Variants in GABRB2 observed in about 807,000 individuals in gnomAD.
The protein encoded by GABRB2 is gamma-aminobutyric acid receptor subunit beta-2.
GABRB2 carries 16 observed loss-of-function variants against 54.7 expected under a neutral mutation model. That is an observed-to-expected ratio of 0.29 (90% confidence interval 0.20 to 0.44). The LOEUF is 0.44. GABRB2 is among the 20% of genes least tolerant of loss of function. The pLI is 1.00. For synonymous variants in GABRB2, 244 were observed against 233.8 expected (o/e 1.04, Z -0.40); for missense variants, 355 against 644.0 (o/e 0.55, Z 4.86).
intron 5 of GABRB2, among the ~76,000 whole-genome samples, chr5:161,388,253 C>T (rs1755707737): frequency 6.6e-6 from 1 of 152,078 alleles, no homozygotes; most frequent in African/African-American, 2.4e-5. Flanking sequence ...CTTGTAAAAA[C>T]ATTTCTGAAA....
chr5:161,513,266 A>T (rs1759835387), intron 3 of GABRB2, among the ~76,000 whole-genome samples: 1 of 152,070 alleles, frequency 6.6e-6, no homozygotes, highest in South Asian at 2.1e-4. Flanking sequence ...CGACCCAGCA[A>T]TCCCATTACT....
intron 4 of GABRB2, among the ~76,000 whole-genome samples, chr5:161,434,207 T>A (rs1385906546): frequency 6.6e-6 from 1 of 152,196 alleles, no homozygotes; most frequent in East Asian, 1.9e-4. Context: ...ATGGCTTACA[T>A]TTATTATTCT....
At chr5:161,438,167 A>T (rs1292868463) in intron 4 of GABRB2, among the ~76,000 whole-genome samples, 1 of 151,860 alleles carries the variant, frequency 6.6e-6, no homozygotes, top group Non-Finnish European at 1.5e-5. Context: ...TGCTTGTATC[A>T]CTCCACCCCC....
At chr5:161,349,253 A>G (rs886848333) in intron 5 of GABRB2, among the ~76,000 whole-genome samples, 1 of 151,036 alleles carries the variant, frequency 6.6e-6, no homozygotes, top group Non-Finnish European at 1.5e-5. Context: ...AAATAAACTT[A>G]AAAAAAAACC....
At chr5:161,413,835 C>A (rs757840953) in intron 4 of GABRB2, among the ~76,000 whole-genome samples, 10 of 152,006 alleles carry the variant, frequency 6.6e-5, no homozygotes, top group Non-Finnish European at 1.0e-4. Flanking sequence ...AGTATAGAAG[C>A]CTTGATTGTG....
rs551494067 is a variant in GABRB2, at chr5:161,408,060, C to A, written c.541+2915G>T. On this transcript the variant is annotated intron_variant, in intron 5 of 9. Coordinates refer to ENST00000393959, the MANE Select transcript of GABRB2 (RefSeq NM_001371727.1). Reference sequence around the variant, plus strand: ...TATAGAACTAAGTACTTCATCTTGGCAGCAATTTTAGCAATGCAATTTTAT... The same window carrying A: ...TATAGAACTAAGTACTTCATCTTGGAAGCAATTTTAGCAATGCAATTTTAT... Among the ~76,000 whole-genome samples the A allele has an allele frequency of 3.9e-5, 6 of 152,102 alleles. No individual in the cohort carries two copies. In the South Asian group the frequency reaches 1.0e-3, roughly 26 times the overall value.
chr5:161,313,196 T>A (rs1369838885), intron 9 of GABRB2, among the ~76,000 whole-genome samples: 10 of 152,086 alleles, frequency 6.6e-5, no homozygotes, highest in Non-Finnish European at 1.5e-4. Flanking sequence ...GAGTCTCGTG[T>A]TTGTTATATA....
chr5:161,430,971 C>A (rs1757157019), intron 4 of GABRB2, among the ~76,000 whole-genome samples: 1 of 152,078 alleles, frequency 6.6e-6, no homozygotes, highest in Non-Finnish European at 1.5e-5. Context: ...GTTCAGGAAA[C>A]AAAGCAAGAT....
At chr5:161,365,898 G>A (rs532289412) in intron 5 of GABRB2, among the ~76,000 whole-genome samples, 3 of 151,930 alleles carry the variant, frequency 2.0e-5, no homozygotes, top group African/African-American at 7.2e-5. Flanking sequence ...CTACGATTTG[G>A]GAATAGCTAT....
chr5:161,498,945 G>T (rs1463915018), intron 3 of GABRB2, among the ~76,000 whole-genome samples: 1 of 152,104 alleles, frequency 6.6e-6, no homozygotes, highest in Non-Finnish European at 1.5e-5. Context: ...TCACAGCTAC[G>T]CTTGATGCTC....
chr5:161,378,942 C>T (rs1303794581), intron 5 of GABRB2, among the ~76,000 whole-genome samples: 1 of 152,132 alleles, frequency 6.6e-6, no homozygotes, highest in Non-Finnish European at 1.5e-5. Context: ...CTAGGCAAGC[C>T]ATTTCATTTT....
intron 3 of GABRB2, among the ~76,000 whole-genome samples, chr5:161,503,120 T>C (rs1305556132): frequency 2.0e-5 from 3 of 151,930 alleles, no homozygotes; most frequent in Admixed American, 6.6e-5. Context: ...CAAGAGGCGA[T>C]TGTTGTTATT....
At chr5:161,371,419 T>C (rs1755129884) in intron 5 of GABRB2, among the ~76,000 whole-genome samples, 1 of 152,200 alleles carries the variant, frequency 6.6e-6, no homozygotes, top group Non-Finnish European at 1.5e-5. Context: ...ATTCAATCTC[T>C]TTTAATAGCC....
intron 7 of GABRB2, among the ~76,000 whole-genome samples, chr5:161,331,890 G>A (rs545817892): frequency 6.6e-6 from 1 of 152,168 alleles, no homozygotes; most frequent in South Asian, 2.1e-4. Flanking sequence ...AGTTGGCCGG[G>A]CGCGGTGGCT....
intron 4 of GABRB2, among the ~76,000 whole-genome samples, chr5:161,445,151 G>A (rs1188095053): frequency 6.6e-6 from 1 of 152,060 alleles, no homozygotes; most frequent in Non-Finnish European, 1.5e-5. Flanking sequence ...AAAAAGCAGA[G>A]GTTTCTACTC....
intron 5 of GABRB2, among the ~76,000 whole-genome samples, chr5:161,355,672 G>C (rs1453443597): frequency 4.0e-5 from 6 of 151,746 alleles, no homozygotes; most frequent in Non-Finnish European, 8.8e-5. Flanking sequence ...ATCTTCAGTA[G>C]GTATGTAGTT....
chr5:161,367,630 A>G (rs927218898), intron 5 of GABRB2, among the ~76,000 whole-genome samples: 22 of 152,158 alleles, frequency 1.4e-4, no homozygotes, highest in South Asian at 4.1e-4. Context: ...CACACAATTC[A>G]TATGCACATA....
intron 5 of GABRB2, among the ~76,000 whole-genome samples, chr5:161,387,787 T>G (rs1755692085): frequency 6.6e-6 from 1 of 152,208 alleles, no homozygotes; most frequent in African/African-American, 2.4e-5. Flanking sequence ...AAACTTAGCT[T>G]AAATAAATAG....
rs72813568 is a variant in GABRB2 at position 161,450,653 on chromosome 5, G to A, written c.458+8971C>T. Reference sequence around the variant, plus strand: ...GGATTCTGCTCTGTGGTTTGCCATCGTCTCTAGGATGTTAGGCACAATTAC... The same window carrying A: ...GGATTCTGCTCTGTGGTTTGCCATCATCTCTAGGATGTTAGGCACAATTAC... On this transcript the variant is annotated intron_variant, in intron 4 of 9. Coordinates refer to ENST00000393959, the MANE Select transcript of GABRB2 (RefSeq NM_001371727.1). Among the ~76,000 whole-genome samples, 216 of 152,224 alleles carry A rather than the reference G, an allele frequency of 1.4e-3. 2 individuals carry two copies. The highest frequency in any genetic ancestry group is 2.5e-3 in the South Asian group (12 of 4,828).
Sources: gnomAD v4.1 joint callset for allele counts (sites outside exome capture counted in the v4.1 genomes callset) on GRCh38, gnomAD v4.1.1 for gene constraint, MANE v1.5 for transcripts, NCBI Gene and HGNC (gene_info 2026-07-23, HGNC 2026-07-21) for gene names.